The following RERE variants were observed in gnomAD, a reference collection of about 807,000 sequenced individuals.
The protein encoded by RERE is arginine-glutamic acid dipeptide repeats protein.
RERE carries 40 observed loss-of-function variants against 146.1 expected under a neutral mutation model. The ratio of observed to expected loss-of-function variants is 0.27; its 90% confidence interval spans 0.21 to 0.36. RERE has a LOEUF of 0.36. RERE is among the 10% of genes least tolerant of loss of function. RERE has a pLI of 1.00. For synonymous variants in RERE, 1,003 were observed against 866.0 expected, an observed-to-expected ratio of 1.16 and a Z score of -2.78; for missense variants, 1,933 against 2,138.7, an observed-to-expected ratio of 0.90 and a Z score of 1.90.
chr1:8,362,920 GCAGAAGC>G, intron 15 of RERE, 76 bp from the exon 16 acceptor site: 1 of 1,520,204 alleles, frequency 6.6e-7, no homozygotes, highest in Middle Eastern at 2.5e-4. Context: ...CAACCCACAG[GCAGAAGC>G]CTGAAGGCAC....
intron 12 of RERE, among the ~76,000 whole-genome samples, chr1:8,371,929 G>A (rs550583988): frequency 6.6e-6 from 1 of 152,340 alleles, no homozygotes; most frequent in African/African-American, 2.4e-5. Context: ...GATGTGAGCA[G>A]GGTCTCCTCC....
chr1:8,611,163 C>T (rs140830489), intron 4 of RERE, among the ~76,000 whole-genome samples: 2,307 of 151,670 alleles, frequency 0.015, 60 homozygotes, highest in African/African-American at 0.053. Context: ...CCACTGCACT[C>T]CAGCCTGGGT....
chr1:8,419,394 G>A lies in RERE; in HGVS notation c.1284+3333C>T, dbSNP rs147262043. On this transcript the variant is annotated intron_variant, in intron 12 of 22. Transcript: ENST00000400908. ...CAAAAGAGCTAGGAAAGCTGTTTAC[G>A]TCTATGCCCACCAGGAACCCTTCTC... Among the ~76,000 whole-genome samples, 202 of 152,272 alleles carry A rather than the reference G, an allele frequency of 1.3e-3. 1 individual carries two copies. The highest frequency in any genetic ancestry group is 2.2e-3 in the Admixed American group (34 of 15,296).
At chr1:8,651,039 G>A (rs1647603142) in intron 2 of RERE, among the ~76,000 whole-genome samples, 1 of 152,114 alleles carries the variant, frequency 6.6e-6, no homozygotes. Context: ...AGAGGTTGCA[G>A]TGAGTTGAGA....
chr1:8,647,712 G>C (rs928997975), intron 2 of RERE, among the ~76,000 whole-genome samples: 1 of 149,618 alleles, frequency 6.7e-6, no homozygotes, highest in Admixed American at 6.7e-5. Flanking sequence ...TCTTGGTTTT[G>C]TTTTATTTTG....
chr1:8,734,643 T>C (rs188138873), intron 1 of RERE, among the ~76,000 whole-genome samples: 2 of 152,334 alleles, frequency 1.3e-5, no homozygotes, highest in Admixed American at 1.3e-4. Context: ...ATATAGTTAC[T>C]ATAGGGAATT....
rs558349464 is a variant in RERE, at chr1:8,445,746, C to T, written c.1203+20179G>A. 3.9e-5 allele frequency among the ~76,000 whole-genome samples: 6 copies of T among 151,960 alleles called. No homozygotes were observed. In the South Asian group the frequency reaches 1.0e-3, roughly 26 times the overall value. ...GTGCAGGTTTGTTACATAGTTTACA[C>T]GTACCATGGTGGTTTGCTGCACCCA... is the stretch of plus-strand genomic sequence containing the variant. On this transcript the variant is annotated intron_variant, in intron 11 of 22. Transcript: ENST00000400908.
chr1:8,643,818 A>C (rs769917546), intron 2 of RERE, among the ~76,000 whole-genome samples: 5 of 152,212 alleles, frequency 3.3e-5, no homozygotes, highest in Non-Finnish European at 7.4e-5. Context: ...TTCATTTTCA[A>C]TAGAAATGAG....
intron 1 of RERE, among the ~76,000 whole-genome samples, chr1:8,657,570 G>A (rs1338799298): frequency 6.6e-6 from 1 of 152,144 alleles, no homozygotes; most frequent in African/African-American, 2.4e-5. Context: ...TTACTGGCCA[G>A]GCGTGGTGGC....
At chr1:8,727,938 A>G (rs1211472261) in intron 1 of RERE, among the ~76,000 whole-genome samples, 1 of 152,258 alleles carries the variant, frequency 6.6e-6, no homozygotes, top group African/African-American at 2.4e-5. Flanking sequence ...CTTGTAGCAT[A>G]TATTAATTAA....
chr1:8,386,022 A>AGC (rs1642664896), intron 12 of RERE, among the ~76,000 whole-genome samples: 1 of 26,624 alleles, frequency 3.8e-5, no homozygotes, highest in African/African-American at 1.6e-4. Flanking sequence ...ATATATATAT[A>AGC]TTTTTTTTTT....
chr1:8,412,545 T>C (rs1269869332), intron 12 of RERE, among the ~76,000 whole-genome samples: 3 of 152,302 alleles, frequency 2.0e-5, no homozygotes, highest in Middle Eastern at 3.4e-3. Flanking sequence ...GCACACCCTT[T>C]AGGGATTAAT....
At chr1:8,503,130 AAAAGAATT>A (rs1645203641) in intron 8 of RERE, among the ~76,000 whole-genome samples, 1 of 149,956 alleles carries the variant, frequency 6.7e-6, no homozygotes, top group Non-Finnish European at 1.5e-5. Flanking sequence ...AAATAAATAA[AAAAGAATT>A]GATGAGTCAA....
chr1:8,653,761 C>T (rs906981731), intron 2 of RERE, among the ~76,000 whole-genome samples: 47 of 150,514 alleles, frequency 3.1e-4, no homozygotes, highest in Non-Finnish European at 1.8e-4. Context: ...GATGTGCGTA[C>T]GCCCTAAACA....
chr1:8,608,699 T>C (rs533994382), intron 4 of RERE, among the ~76,000 whole-genome samples: 2 of 152,374 alleles, frequency 1.3e-5, no homozygotes, highest in South Asian at 2.1e-4. Flanking sequence ...TAGGCAGTTA[T>C]AAAAGCATAG....
At chr1:8,756,443 C>T (rs1259553377) in intron 1 of RERE, among the ~76,000 whole-genome samples, 2 of 152,090 alleles carry the variant, frequency 1.3e-5, no homozygotes, top group Non-Finnish European at 2.9e-5. Context: ...ACAAAAAGGA[C>T]CTAAAAGCCT....
chr1:8,545,980 G>GTTTTTTTTTT (rs1480930167), intron 6 of RERE, among the ~76,000 whole-genome samples: 1 of 75,374 alleles, frequency 1.3e-5, no homozygotes, highest in African/African-American at 5.9e-5. Context: ...ACCATACCCA[G>GTTTTTTTTTT]TCTTTTTTTT....
intron 2 of RERE, among the ~76,000 whole-genome samples, chr1:8,655,118 T>C (rs1273103826): frequency 6.6e-6 from 1 of 152,164 alleles, no homozygotes; most frequent in Admixed American, 6.5e-5. Flanking sequence ...GCAGGTTAGA[T>C]GACTACTTCT....
chr1:8,584,342 C>T (rs558458746), intron 4 of RERE, among the ~76,000 whole-genome samples: 3 of 152,038 alleles, frequency 2.0e-5, no homozygotes, highest in Non-Finnish European at 4.4e-5. Flanking sequence ...GACAGGAGTT[C>T]GAGACCAGCC....
Sources: gnomAD v4.1 joint callset for allele counts (sites outside exome capture counted in the v4.1 genomes callset) on GRCh38, gnomAD v4.1.1 for gene constraint, MANE v1.5 for transcripts, NCBI Gene and HGNC (gene_info 2026-07-23, HGNC 2026-07-21) for gene names.